The following GNAQ variants were observed in gnomAD, a reference collection of about 807,000 sequenced individuals.
GNAQ encodes the protein G protein subunit alpha q, also known as guanine nucleotide-binding protein G(q) subunit alpha.
In GNAQ, 8 loss-of-function variants were observed where a neutral mutation model predicts 43.9. The ratio of observed to expected loss-of-function variants is 0.18; its 90% CI spans 0.11 to 0.33. The LOEUF is 0.33. Ranked by LOEUF, GNAQ falls within the 10% of genes least tolerant of loss-of-function variation. The pLI, the probability that GNAQ is intolerant of heterozygous loss-of-function variation, is 1.00. For missense variants in GNAQ, 158 were observed against 450.8 expected (o/e 0.35, Z 5.88); for synonymous variants, 155 against 170.7 (o/e 0.91, Z 0.71).
chr9:77,789,680 T>G (rs1219945671), intron 5 of GNAQ, among the ~76,000 whole-genome samples: 3 of 152,176 alleles, frequency 2.0e-5, no homozygotes, highest in African/African-American at 7.2e-5. Context: ...TTGCATTATA[T>G]TAAATACACT....
At chr9:77,761,794 A>C (rs1349504824) in intron 5 of GNAQ, among the ~76,000 whole-genome samples, 8 of 44,366 alleles carry the variant, frequency 1.8e-4, no homozygotes, top group Non-Finnish European at 2.7e-4. Context: ...AGCTGCCCCT[A>C]CTGGGAAGTG....
intron 1 of GNAQ, among the ~76,000 whole-genome samples, chr9:77,951,727 C>G (rs1451285230): frequency 1.3e-5 from 2 of 152,160 alleles, no homozygotes; most frequent in Non-Finnish European, 2.9e-5. Flanking sequence ...TTTCTACCAC[C>G]CAACCTTACG....
intron 1 of GNAQ, among the ~76,000 whole-genome samples, chr9:77,996,677 C>CAAAAAAAAAAAAAAAA (rs3083223): frequency 2.2e-4 from 23 of 105,556 alleles, no homozygotes; most frequent in East Asian, 2.7e-4. Flanking sequence ...GACTCCATCT[C>CAAAAAAAAAAAAAAAA]AAAAAAAAAA....
intron 1 of GNAQ, among the ~76,000 whole-genome samples, chr9:77,966,665 A>G (rs1278558818): frequency 2.6e-5 from 4 of 152,214 alleles, no homozygotes; most frequent in Non-Finnish European, 5.9e-5. Context: ...TTCATCATAA[A>G]GTCAGGAAAT....
At chr9:77,879,756 C>T (rs907472447) in intron 2 of GNAQ, among the ~76,000 whole-genome samples, 1 of 152,154 alleles carries the variant, frequency 6.6e-6, no homozygotes. Flanking sequence ...AGATATGATA[C>T]GGTGAGATTC....
At chr9:78,020,607 G>A (rs1326719204) in intron 1 of GNAQ, among the ~76,000 whole-genome samples, 3 of 152,136 alleles carry the variant, frequency 2.0e-5, no homozygotes, top group African/African-American at 7.2e-5. Flanking sequence ...GCCAGAAGAG[G>A]CAGCATTGGT....
chr9:77,778,084 C>T (rs1316834148), intron 5 of GNAQ, among the ~76,000 whole-genome samples: 2 of 151,962 alleles, frequency 1.3e-5, no homozygotes, highest in African/African-American at 4.8e-5. Flanking sequence ...ATAATCAACT[C>T]AAGTATCCAT....
In GNAQ at chr9:77,971,538, G is replaced by A. The variant is rs142121127; in HGVS notation, c.137-49193C>T. On this transcript the variant is annotated intron_variant, in intron 1 of 6. Coordinates refer to ENST00000286548, the MANE Select transcript of GNAQ (RefSeq NM_002072.5). ...AACCAACGACAAAAACCACATGATC[G>A]TCTCAATAGATGCAGAAAAGGCCTT... Among the ~76,000 whole-genome samples the A allele has an allele frequency of 5.0e-3, 762 of 152,212 alleles. 8 individuals carry two copies. Among genetic ancestry groups the A allele is most frequent in the African/African-American group, 0.017 (691 of 41,524 alleles).
chr9:77,726,885 T>A (rs190936882), intron 6 of GNAQ, among the ~76,000 whole-genome samples: 29 of 152,292 alleles, frequency 1.9e-4, no homozygotes, highest in African/African-American at 6.5e-4. Context: ...GCAAACTTTC[T>A]CTGTAAAGGG....
intron 5 of GNAQ, among the ~76,000 whole-genome samples, chr9:77,775,150 G>A (rs1029961300): frequency 2.5e-4 from 38 of 151,816 alleles, no homozygotes; most frequent in Non-Finnish European, 8.8e-5. Context: ...TATTTTTTAG[G>A]TGTACTCTGA....
intron 2 of GNAQ, among the ~76,000 whole-genome samples, chr9:77,837,607 T>A (rs1587939140): frequency 6.6e-6 from 1 of 151,106 alleles, no homozygotes; most frequent in African/African-American, 2.4e-5. Context: ...ATTGATTTTT[T>A]AAAAAAACAA....
At chr9:77,744,780 C>CA (rs959671210) in intron 5 of GNAQ, among the ~76,000 whole-genome samples, 3 of 152,006 alleles carry the variant, frequency 2.0e-5, no homozygotes, top group Non-Finnish European at 2.9e-5. Context: ...GAAAATGACT[C>CA]AACACTTCTG....
intron 1 of GNAQ, among the ~76,000 whole-genome samples, chr9:77,995,064 T>C (rs776467433): frequency 9.9e-5 from 15 of 152,236 alleles, no homozygotes; most frequent in Admixed American, 6.5e-5. Context: ...CATATTACCC[T>C]ATTACAGTGT....
chr9:77,933,624 G>C (rs999124900), intron 1 of GNAQ, among the ~76,000 whole-genome samples: 3 of 140,272 alleles, frequency 2.1e-5, no homozygotes, highest in Admixed American at 7.7e-5. Flanking sequence ...CTGGGTGACA[G>C]AGTACGACCC....
chr9:77,967,349 G>A (rs1423992442), intron 1 of GNAQ, among the ~76,000 whole-genome samples: 1 of 152,100 alleles, frequency 6.6e-6, no homozygotes, highest in East Asian at 1.9e-4. Context: ...TCCACCACCT[G>A]CTGTGCCTAG....
chr9:77,754,272 C>T (rs11145552), intron 5 of GNAQ, among the ~76,000 whole-genome samples: 5,414 of 152,248 alleles, frequency 0.036, 311 homozygotes, highest in African/African-American at 0.12. Context: ...TGCATTCTGA[C>T]TGCCATTTTA....
At chr9:77,907,526 C>T (rs1047783241) in intron 2 of GNAQ, among the ~76,000 whole-genome samples, 1 of 152,202 alleles carries the variant, frequency 6.6e-6, no homozygotes, top group African/African-American at 2.4e-5. Flanking sequence ...AAGTACATGT[C>T]TTACACTTCC....
At chr9:77,723,563 ACAGAATAT>A (rs779969001) in intron 6 of GNAQ, among the ~76,000 whole-genome samples, 15 of 152,362 alleles carry the variant, frequency 9.8e-5, no homozygotes, top group African/African-American at 2.4e-4. Flanking sequence ...ACCAAACCAA[ACAGAATAT>A]CAGAATATCA....
At chr9:78,002,779 C>A (rs1475607310) in intron 1 of GNAQ, among the ~76,000 whole-genome samples, 5 of 152,166 alleles carry the variant, frequency 3.3e-5, no homozygotes, top group Admixed American at 6.5e-5. Flanking sequence ...AGACATCCAA[C>A]TGTCATTGAA....
Sources: allele counts gnomAD v4.1 joint callset (sites outside exome capture counted in the v4.1 genomes callset), GRCh38; gene constraint gnomAD v4.1.1; transcripts MANE v1.5; gene names NCBI Gene and HGNC (gene_info 2026-07-23, HGNC 2026-07-21).